The following MAL variants were observed in gnomAD, a reference collection of about 807,000 sequenced individuals.
MAL encodes mal, T cell differentiation protein (MAL blood group).
MAL carries 5 observed loss-of-function variants against 16.7 expected under a neutral mutation model. That is an observed-to-expected ratio of 0.30 (90% CI 0.16 to 0.63). The LOEUF (loss-of-function observed/expected upper bound fraction) is 0.63, where lower values mean the gene tolerates loss of function less well. Ranked by LOEUF, MAL falls within the 30% of genes least tolerant of loss-of-function variation. The probability of loss-of-function intolerance (pLI) is 0.82; values close to 1 mark genes in which losing one functional copy is unlikely to be tolerated. For missense variants in MAL, 202 were observed against 195.8 expected (o/e 1.03, Z -0.19); for synonymous variants, 96 against 85.5 (o/e 1.12, Z -0.67).
intron 1 of MAL, chr2:95,044,715 T>C (rs1050564132): frequency 6.6e-6 from 1 of 152,252 alleles, no homozygotes; most frequent in African/African-American, 2.4e-5. Flanking sequence ...ATAGTCTTCA[T>C]CAGGTTGGTA....
rs1573301406 is a variant in MAL at position 95,048,630 on chromosome 2, T to A, written c.261+504T>A. 3.9e-5 allele frequency among the ~76,000 whole-genome samples: 6 copies of A among 152,338 alleles called. 1 individual carries two copies. The South Asian group carries it at 1.2e-3, about 32-fold the overall frequency. On this transcript the variant is annotated intron_variant, in intron 2 of 3. Transcript: ENST00000309988. ...AGCGGCCTTTGGTCATTATTCTGTA[T>A]AAATTCTGCTTTGAGACCCATGAAA...
At chr2:95,052,117 T>C (rs557997306) in intron 3 of MAL, among the ~76,000 whole-genome samples, 2 of 152,284 alleles carry the variant, frequency 1.3e-5, no homozygotes, top group South Asian at 4.2e-4. Context: ...TGGGTGGAAG[T>C]CGCCTGGGGC....
At chr2:95,049,461 G>A in intron 2 of MAL, 120 bp from the exon 3 acceptor site, 1 of 1,305,438 alleles carries the variant, frequency 7.7e-7, no homozygotes, top group East Asian at 2.4e-5. Flanking sequence ...AAGGTTGGGA[G>A]GGGTGGGATT....
chr2:95,040,825 T>G (rs1386663894), intron 1 of MAL, among the ~76,000 whole-genome samples: 2 of 152,188 alleles, frequency 1.3e-5, no homozygotes, highest in African/African-American at 4.8e-5. Context: ...TCAACAATGG[T>G]GCACAGCCTC....
intron 1 of MAL, among the ~76,000 whole-genome samples, chr2:95,027,189 A>T (rs1673963495): frequency 6.6e-6 from 1 of 152,134 alleles, no homozygotes. Flanking sequence ...TTCAGCATAC[A>T]AGAAGGAGTG....
At chr2:95,035,540 CA>C (rs1674182745) in intron 1 of MAL, among the ~76,000 whole-genome samples, 1 of 152,164 alleles carries the variant, frequency 6.6e-6, no homozygotes, top group Admixed American at 6.6e-5. Flanking sequence ...GTCCTGCTGG[CA>C]GCGTGTGCTA....
intron 1 of MAL, among the ~76,000 whole-genome samples, chr2:95,042,640 A>G (rs1674496965): frequency 6.6e-6 from 1 of 152,168 alleles, no homozygotes; most frequent in East Asian, 1.9e-4. Context: ...GTGGGGTCGG[A>G]GGAAGTCTGG....
chr2:95,048,878 G>A (rs1573301550), intron 2 of MAL, among the ~76,000 whole-genome samples: 1 of 152,254 alleles, frequency 6.6e-6, no homozygotes, highest in East Asian at 1.9e-4. Context: ...GTGCAGTGGC[G>A]CAATCTCATC....
chr2:95,053,536 GA>G lies in MAL; in HGVS notation c.*84del. Reference sequence around the variant, plus strand: ...TTCCGGCATAACTTTTTAGAAAACAGAAATGCCCTTGATGGTGGAAAAAAGA... The same window carrying G: ...TTCCGGCATAACTTTTTAGAAAACAGAATGCCCTTGATGGTGGAAAAAAGA... On this transcript the variant is annotated 3_prime_UTR_variant, in exon 4 of 4. Coordinates refer to ENST00000309988, the MANE Select transcript of MAL (RefSeq NM_002371.4). The G allele has an allele frequency of 2.7e-6, 3 of 1,120,084 alleles. No individual in the cohort carries two copies. Among genetic ancestry groups the G allele is most frequent in the Non-Finnish European group, 4.1e-6 (3 of 735,850 alleles). The allele number at this position is 1,120,084 out of a possible 1,614,324, so 69.4% of individuals were successfully genotyped here.
intron 1 of MAL, among the ~76,000 whole-genome samples, chr2:95,030,460 T>C (rs1385605993): frequency 6.6e-6 from 1 of 152,224 alleles, no homozygotes; most frequent in Non-Finnish European, 1.5e-5. Context: ...CCGTCTCCAT[T>C]CTAAGCCAGG....
intron 3 of MAL, among the ~76,000 whole-genome samples, chr2:95,052,657 C>T (rs1457495998): frequency 6.6e-6 from 1 of 152,146 alleles, no homozygotes; most frequent in Non-Finnish European, 1.5e-5. Context: ...AGCAGGCAGG[C>T]CTTCAGGGAG....
At chr2:95,031,010 T>A (rs530323323) in intron 1 of MAL, among the ~76,000 whole-genome samples, 6 of 152,098 alleles carry the variant, frequency 3.9e-5, no homozygotes, top group Non-Finnish European at 8.8e-5. Flanking sequence ...CAGTTTCGCA[T>A]TAGGTGGTCC....
At chr2:95,027,212 G>A (rs1265399247) in intron 1 of MAL, among the ~76,000 whole-genome samples, 2 of 152,156 alleles carry the variant, frequency 1.3e-5, no homozygotes, top group Non-Finnish European at 2.9e-5. Flanking sequence ...CCTGAGAGTA[G>A]GAACAGTCCA....
intron 1 of MAL, among the ~76,000 whole-genome samples, chr2:95,028,669 G>A (rs1674007304): frequency 6.6e-6 from 1 of 152,164 alleles, no homozygotes; most frequent in Non-Finnish European, 1.5e-5. Context: ...CATCAGCAAT[G>A]AACTGAATAA....
intron 3 of MAL, among the ~76,000 whole-genome samples, chr2:95,052,259 G>C (rs1447225483): frequency 6.6e-6 from 1 of 152,208 alleles, no homozygotes; most frequent in African/African-American, 2.4e-5. Context: ...CGTGTTCCCA[G>C]TGGGCCATTT....
rs193246792 is a variant in MAL, at chr2:95,041,799, G to A, written c.94-6160G>A. Among the ~76,000 whole-genome samples the A allele has an allele frequency of 7.4e-4, 112 of 152,268 alleles. 2 individuals are homozygous for A. The East Asian group carries it at 0.016, about 22-fold the overall frequency. ...AAGTTCACACAAGAGCTCCCAGGAA[G>A]ACAATTCCTGACAGATTTTTTTTTT... On this transcript the variant is annotated intron_variant, in intron 1 of 3. Transcript: ENST00000309988.
chr2:95,029,507 A>G (rs1162799768), intron 1 of MAL, among the ~76,000 whole-genome samples: 1 of 152,250 alleles, frequency 6.6e-6, no homozygotes, highest in Non-Finnish European at 1.5e-5. Flanking sequence ...GGATAGTTCC[A>G]ATTTGCTGCC....
At chr2:95,034,396 C>A (rs1674157448) in intron 1 of MAL, among the ~76,000 whole-genome samples, 1 of 152,220 alleles carries the variant, frequency 6.6e-6, no homozygotes, top group Admixed American at 6.5e-5. Context: ...CTCTGCATCA[C>A]CCTGCCAGCC....
chr2:95,050,313 T>C lies in MAL; in HGVS notation c.387+607T>C, dbSNP rs142570660. Among the ~76,000 whole-genome samples, 433 of 152,372 alleles carry C rather than the reference T, an allele frequency of 2.8e-3. 2 individuals carry two copies. The highest frequency in any genetic ancestry group is 7.0e-3 in the Admixed American group (107 of 15,312). ...CAGAATGACAGGGTAACAGAATATA[T>C]TGTTTCATCACATGTTTTTCAGAGC... On this transcript the variant is annotated intron_variant, in intron 3 of 3. Transcript: ENST00000309988.
Sources: allele counts gnomAD v4.1 joint callset (sites outside exome capture counted in the v4.1 genomes callset), GRCh38; gene constraint gnomAD v4.1.1; transcripts MANE v1.5; gene names NCBI Gene and HGNC (gene_info 2026-07-23, HGNC 2026-07-21).